Variants in TENM2 observed in about 807,000 individuals in gnomAD.
The protein encoded by TENM2 is teneurin-2.
Under a neutral mutation model 245.2 loss-of-function variants are expected in TENM2, and 52 were observed. That is an observed-to-expected ratio of 0.21 (90% CI 0.17 to 0.27). The LOEUF (loss-of-function observed/expected upper bound fraction) is 0.27. TENM2 is among the 10% of genes least tolerant of loss of function. The pLI is 1.00. For missense variants in TENM2, 3,046 were observed against 3,666.8 expected, an observed-to-expected ratio of 0.83 and a Z score of 4.37; for synonymous variants, 1,363 against 1,438.9, an observed-to-expected ratio of 0.95 and a Z score of 1.19.
intron 2 of TENM2, among the ~76,000 whole-genome samples, chr5:167,608,646 G>T (rs1434946675): frequency 6.6e-6 from 1 of 152,212 alleles, no homozygotes; most frequent in Non-Finnish European, 1.5e-5. Context: ...GTCACAGGGA[G>T]TAAAAAGCAG....
chr5:167,871,564 G>C (rs1378841779), intron 2 of TENM2, among the ~76,000 whole-genome samples: 1 of 152,158 alleles, frequency 6.6e-6, no homozygotes, highest in East Asian at 1.9e-4. Flanking sequence ...TTTACATGGG[G>C]ATCTTGAAAA....
chr5:168,151,211 C>A (rs1756627162), intron 12 of TENM2, among the ~76,000 whole-genome samples: 1 of 152,210 alleles, frequency 6.6e-6, no homozygotes, highest in African/African-American at 2.4e-5. Flanking sequence ...CTATTGACAA[C>A]TTGTCGCATG....
intron 3 of TENM2, among the ~76,000 whole-genome samples, chr5:167,931,551 GAAAAA>G (rs368486009): frequency 3.2e-4 from 35 of 110,340 alleles, no homozygotes; most frequent in African/African-American, 1.1e-3. Flanking sequence ...AAACCCATTG[GAAAAA>G]AAAAAAAAAA....
chr5:167,890,342 G>T (rs778197668), intron 3 of TENM2, among the ~76,000 whole-genome samples: 7 of 152,016 alleles, frequency 4.6e-5, no homozygotes, highest in African/African-American at 7.2e-5. Flanking sequence ...TAAAGCTGTT[G>T]CCCCTTTCTG....
the TENM2 span, among the ~76,000 whole-genome samples, chr5:167,103,697 C>G: frequency 6.6e-6 from 1 of 152,176 alleles, no homozygotes; most frequent in Non-Finnish European, 1.5e-5. Flanking sequence ...CCCTGTGAAT[C>G]TAACCATGTT....
intron 2 of TENM2, among the ~76,000 whole-genome samples, chr5:167,796,909 T>C (rs1765362536): frequency 6.6e-6 from 1 of 151,282 alleles, no homozygotes; most frequent in Non-Finnish European, 1.5e-5. Flanking sequence ...TCCTTGAGGA[T>C]AGATTTTTTT....
chr5:167,384,252 A>G (rs1053119012), intron 2 of TENM2, among the ~76,000 whole-genome samples: 2 of 152,224 alleles, frequency 1.3e-5, no homozygotes, highest in African/African-American at 4.8e-5. Context: ...AGAGAAGAAA[A>G]TAAACATTAT....
chr5:167,912,541 C>T (rs1195538212), intron 3 of TENM2, among the ~76,000 whole-genome samples: 2 of 152,088 alleles, frequency 1.3e-5, no homozygotes, highest in African/African-American at 2.4e-5. Flanking sequence ...AATTATACAA[C>T]GGGAGTGGGA....
intron 2 of TENM2, among the ~76,000 whole-genome samples, chr5:167,781,435 C>G (rs908993964): frequency 1.3e-5 from 2 of 151,894 alleles, no homozygotes; most frequent in African/African-American, 2.4e-5. Flanking sequence ...GTATTAAAGC[C>G]AAAATAATAT....
chr5:167,348,729 T>C (rs1758630457), intron 1 of TENM2, among the ~76,000 whole-genome samples: 1 of 152,202 alleles, frequency 6.6e-6, no homozygotes, highest in Non-Finnish European at 1.5e-5. Context: ...AAAGCAACAT[T>C]AATGAGTAAC....
intron 2 of TENM2, among the ~76,000 whole-genome samples, chr5:167,498,183 A>C (rs762699747): frequency 1.2e-4 from 19 of 152,156 alleles, no homozygotes; most frequent in Non-Finnish European, 2.1e-4. Flanking sequence ...TTCTAGGATT[A>C]CATTGTCGTC....
chr5:168,142,300 A>G (rs1007260851), intron 12 of TENM2, among the ~76,000 whole-genome samples: 10 of 152,226 alleles, frequency 6.6e-5, no homozygotes. Context: ...AGCCGGCTGG[A>G]CCAACAGGTC....
At chr5:167,990,045 T>C (rs1475377943) in intron 4 of TENM2, among the ~76,000 whole-genome samples, 3 of 152,198 alleles carry the variant, frequency 2.0e-5, no homozygotes, top group African/African-American at 7.2e-5. Flanking sequence ...TCAAATGTTT[T>C]CACTCATTAG....
chr5:168,173,845 G>A (rs573652275), intron 13 of TENM2, among the ~76,000 whole-genome samples: 30 of 152,244 alleles, frequency 2.0e-4, no homozygotes, highest in African/African-American at 7.2e-4. Context: ...TCCAAAATAG[G>A]TACAGCTTGA....
chr5:167,791,080 G>T (rs1764922648), intron 2 of TENM2, among the ~76,000 whole-genome samples: 1 of 152,146 alleles, frequency 6.6e-6, no homozygotes, highest in African/African-American at 2.4e-5. Flanking sequence ...CCACAAGAAT[G>T]TATTTGGCTT....
At chr5:168,026,713 C>G (rs1786658801) in intron 5 of TENM2, among the ~76,000 whole-genome samples, 1 of 152,094 alleles carries the variant, frequency 6.6e-6, no homozygotes. Context: ...ACAATAATAG[C>G]ACTTATCTCA....
chr5:167,581,779 G>A (rs1448389016), intron 2 of TENM2, among the ~76,000 whole-genome samples: 2 of 152,032 alleles, frequency 1.3e-5, no homozygotes, highest in East Asian at 1.9e-4. Context: ...ACAATCTGAC[G>A]CACAGTGTGC....
rs1023818173 is a variant in TENM2 at position 167,718,536 on chromosome 5, C to T, written c.503-157450C>T. ...GAGCCATTGGTAGTATTGAAAAGCA[C>T]AGATCCTACAGAACCCTCTGGGACT... On this transcript the variant is annotated intron_variant, in intron 2 of 28. Transcript: ENST00000518659. Among the ~76,000 whole-genome samples the T allele has an allele frequency of 3.3e-5, 5 of 152,198 alleles. No individual in the cohort carries two copies. In the East Asian group the frequency reaches 9.6e-4, roughly 29 times the overall value.
At chr5:167,749,242 T>A (rs1356188136) in intron 2 of TENM2, among the ~76,000 whole-genome samples, 1 of 151,970 alleles carries the variant, frequency 6.6e-6, no homozygotes, top group Non-Finnish European at 1.5e-5. Flanking sequence ...AACAGAGAGA[T>A]TAAATAAGAC....
Sources: gnomAD v4.1 joint callset for allele counts (sites outside exome capture counted in the v4.1 genomes callset) on GRCh38, gnomAD v4.1.1 for gene constraint, MANE v1.5 for transcripts, NCBI Gene and HGNC (gene_info 2026-07-23, HGNC 2026-07-21) for gene names.